GRAMD1C: variants seen among roughly 807,000 people sequenced by gnomAD.
The protein encoded by GRAMD1C is protein Aster-C.
A neutral mutation model predicts 97.8 loss-of-function variants in GRAMD1C; 89 were observed. The observed-to-expected ratio is 0.91, with a 90% CI of 0.77 to 1.09. The LOEUF (loss-of-function observed/expected upper bound fraction) is 1.09, where lower values mean the gene tolerates loss of function less well. Ranked by LOEUF, GRAMD1C falls within the 50% of genes least tolerant of loss-of-function variation. The pLI, the probability that GRAMD1C is intolerant of heterozygous loss-of-function variation, is 0.00. For synonymous variants in GRAMD1C, 256 were observed against 267.0 expected, an observed-to-expected ratio of 0.96 and a Z score of 0.40; for missense variants, 740 against 766.4, an observed-to-expected ratio of 0.97 and a Z score of 0.41.
upstream of GRAMD1C, among the ~76,000 whole-genome samples, chr3:113,837,331 G>C (rs987724695): frequency 6.6e-6 from 1 of 152,160 alleles, no homozygotes; most frequent in Non-Finnish European, 1.5e-5. Flanking sequence ...ATCTGAGACA[G>C]GCCTCAGTTA....
At chr3:113,866,200 T>C (rs1934579835) in intron 2 of GRAMD1C, among the ~76,000 whole-genome samples, 1 of 152,224 alleles carries the variant, frequency 6.6e-6, no homozygotes, top group South Asian at 2.1e-4. Flanking sequence ...ACTTATTGAA[T>C]AGTCTGTTCT....
intron 6 of GRAMD1C, among the ~76,000 whole-genome samples, chr3:113,893,595 C>A (rs939073226): frequency 5.9e-5 from 9 of 152,166 alleles, no homozygotes; most frequent in African/African-American, 1.9e-4. Context: ...AGACAAGGAC[C>A]ATGTCTGTCT....
chr3:113,911,120 G>T (rs1490192388), intron 9 of GRAMD1C, among the ~76,000 whole-genome samples: 1 of 151,636 alleles, frequency 6.6e-6, no homozygotes, highest in African/African-American at 2.4e-5. Flanking sequence ...CATGCTCATG[G>T]TTAGAGGAGC....
At position 113,946,965 on chromosome 3, in the gene GRAMD1C, A is replaced by T. The variant is rs1938121943; in HGVS notation, c.*1487A>T. On this transcript the variant is annotated 3_prime_UTR_variant, in exon 18 of 18. Transcript: ENST00000358160. ...AAGAATGAGTGGATTATAAACTTGA[A>T]GATTTCTCTGTTAAAGTCACAAAAA... 1.3e-5 allele frequency: 2 copies of T among 152,222 alleles called. No homozygotes were observed. 9.4% of individuals were successfully genotyped at this position (152,222 alleles called of 1,614,324 possible). A position where few individuals can be genotyped will look rare whatever the true frequency, so the allele number is the denominator to read the frequency against.
At chr3:113,928,383 A>T (rs867690474) in intron 10 of GRAMD1C, among the ~76,000 whole-genome samples, 3 of 152,336 alleles carry the variant, frequency 2.0e-5, no homozygotes, top group Middle Eastern at 6.8e-3. Flanking sequence ...ACATTTAAAA[A>T]TATGTAAAGC....
rs188174478 is a variant in GRAMD1C at position 113,910,121 on chromosome 3, C to T, written c.952+1001C>T. Among the ~76,000 whole-genome samples the T allele has an allele frequency of 4.2e-3, 643 of 152,256 alleles. 13 individuals carry two copies. The highest frequency in any genetic ancestry group is 0.033 in the South Asian group (160 of 4,814). On this transcript the variant is annotated intron_variant, in intron 9 of 17. Transcript: ENST00000358160. ...TTATTTGGCTGGGCACAGTGGCTCA[C>T]GCCTGTAATCCCAGCACTTTGGAAG...
At chr3:113,909,758 G>A (rs1936500997) in intron 9 of GRAMD1C, among the ~76,000 whole-genome samples, 2 of 152,176 alleles carry the variant, frequency 1.3e-5, no homozygotes, top group Admixed American at 1.3e-4. Flanking sequence ...AAATAAAGAA[G>A]ATTCTCAAAA....
At chr3:113,842,292 A>G (rs1417188969) in intron 1 of GRAMD1C, among the ~76,000 whole-genome samples, 2 of 152,242 alleles carry the variant, frequency 1.3e-5, no homozygotes. Flanking sequence ...GATTAAAGCC[A>G]TGAAGATTTG....
At chr3:113,829,259 AAAACAAACAAAC>A (rs369737329) in intron 1 of GRAMD1C, among the ~76,000 whole-genome samples, 2,209 of 152,132 alleles carry the variant, frequency 0.015, 47 homozygotes, top group African/African-American at 0.048. Context: ...CAGTCTGTAC[AAAACAAACAAAC>A]AAACAAACAA....
At chr3:113,837,714 C>G (rs1315535374), upstream of GRAMD1C, among the ~76,000 whole-genome samples, 1 of 134,820 alleles carries the variant, frequency 7.4e-6, no homozygotes, top group Non-Finnish European at 1.6e-5. Flanking sequence ...TGGCGAAACC[C>G]TGTCTCAAAA....
intron 9 of GRAMD1C, among the ~76,000 whole-genome samples, chr3:113,915,021 GCTT>G (rs1439497823): frequency 6.6e-6 from 1 of 152,132 alleles, no homozygotes; most frequent in East Asian, 1.9e-4. Context: ...GCAAGATATT[GCTT>G]CTTCATTTGT....
chr3:113,895,300 C>G (rs539754460), intron 6 of GRAMD1C, among the ~76,000 whole-genome samples: 9 of 152,214 alleles, frequency 5.9e-5, no homozygotes, highest in Non-Finnish European at 1.2e-4. Context: ...AAGGAATCTT[C>G]CCCACCGTGC....
chr3:113,870,998 CACACACACACACACACACACACACAG>C (rs1264086305), intron 3 of GRAMD1C, among the ~76,000 whole-genome samples: 2 of 85,542 alleles, frequency 2.3e-5, no homozygotes, highest in African/African-American at 3.8e-5. Context: ...CACACACACA[CACACACACACACACACACACACACAG>C]AGGAATATTA....
At chr3:113,853,192 A>G (rs1933983072) in intron 2 of GRAMD1C, among the ~76,000 whole-genome samples, 1 of 152,238 alleles carries the variant, frequency 6.6e-6, no homozygotes. Context: ...AATGAAAAAT[A>G]TGGTCACTGA....
chr3:113,849,786 C>G (rs1577122540), intron 2 of GRAMD1C, among the ~76,000 whole-genome samples: 1 of 152,188 alleles, frequency 6.6e-6, no homozygotes, highest in African/African-American at 2.4e-5. Context: ...TCATGATGGC[C>G]CGTTCTCAAT....
chr3:113,907,656 T>G lies in GRAMD1C; in HGVS notation c.790-1302T>G, dbSNP rs1936417710. ...CAAAAATAACTTTTTTCCAAGAAAATATGTTTTTTAAGCTATAGAATTAAT... is the reference window on the plus strand; with the variant it reads ...CAAAAATAACTTTTTTCCAAGAAAAGATGTTTTTTAAGCTATAGAATTAAT... On this transcript the variant is annotated intron_variant, in intron 8 of 17. Coordinates refer to ENST00000358160, the MANE Select transcript of GRAMD1C (RefSeq NM_017577.5). 3.9e-5 allele frequency among the ~76,000 whole-genome samples: 6 copies of G among 152,118 alleles called. No homozygotes were observed. In the South Asian group the frequency reaches 1.2e-3, roughly 32 times the overall value.
intron 2 of GRAMD1C, among the ~76,000 whole-genome samples, chr3:113,865,892 C>T (rs1934565236): frequency 6.6e-6 from 1 of 152,088 alleles, no homozygotes; most frequent in Non-Finnish European, 1.5e-5. Context: ...TGAAGTTGGG[C>T]TCCAGTCCTT....
intron 1 of GRAMD1C, among the ~76,000 whole-genome samples, chr3:113,833,145 C>CAT (rs1559769462): frequency 8.5e-6 from 1 of 117,380 alleles, no homozygotes; most frequent in Admixed American, 1.1e-4. Context: ...TGTGTGTGTG[C>CAT]GTGTGTGTGT....
At chr3:113,865,735 G>A (rs1934558478) in intron 2 of GRAMD1C, among the ~76,000 whole-genome samples, 1 of 152,028 alleles carries the variant, frequency 6.6e-6, no homozygotes, top group African/African-American at 2.4e-5. Context: ...TGTATTATCA[G>A]TCTCTTATCC....
Sources: gnomAD v4.1 joint callset for allele counts (sites outside exome capture counted in the v4.1 genomes callset) on GRCh38, gnomAD v4.1.1 for gene constraint, MANE v1.5 for transcripts, NCBI Gene and HGNC (gene_info 2026-07-23, HGNC 2026-07-21) for gene names.